SULF1: variants seen among roughly 807,000 people sequenced by gnomAD.
The protein encoded by SULF1 is extracellular sulfatase Sulf-1.
A neutral mutation model predicts 110.5 loss-of-function variants in SULF1; 46 were observed. The ratio of observed to expected loss-of-function variants is 0.42; its 90% confidence interval spans 0.33 to 0.53. SULF1 has a LOEUF of 0.53. Among genes scored for constraint, SULF1 ranks in the 20% least tolerant of loss-of-function variants. The pLI is 0.12. For synonymous variants in SULF1, 371 were observed against 387.1 expected, an observed-to-expected ratio of 0.96 and a Z score of 0.49; for missense variants, 941 against 1,094.2, an observed-to-expected ratio of 0.86 and a Z score of 1.98.
At chr8:69,615,669 A>G (rs1478576051) in intron 13 of SULF1, among the ~76,000 whole-genome samples, 1 of 152,216 alleles carries the variant, frequency 6.6e-6, no homozygotes, top group East Asian at 1.9e-4. Flanking sequence ...CGTATGATAC[A>G]TCATCATAGC....
intron 6 of SULF1, among the ~76,000 whole-genome samples, chr8:69,580,482 A>G (rs1277160982): frequency 6.6e-6 from 1 of 152,184 alleles, no homozygotes; most frequent in Admixed American, 6.5e-5. Flanking sequence ...TTCTACCTTG[A>G]TTTGTTTTGA....
chr8:69,514,095 A>AGTG (rs2150596077), intron 3 of SULF1, among the ~76,000 whole-genome samples: 1 of 152,254 alleles, frequency 6.6e-6, no homozygotes, highest in South Asian at 2.1e-4. Context: ...GAGATTGCTG[A>AGTG]CTGAACTCTA....
chr8:69,526,928 G>A (rs1812738511), intron 3 of SULF1, among the ~76,000 whole-genome samples: 1 of 152,146 alleles, frequency 6.6e-6, no homozygotes, highest in African/African-American at 2.4e-5. Flanking sequence ...TCGGGTTACA[G>A]GATTGGCTTC....
chr8:69,631,561 T>A (rs960114572), intron 19 of SULF1, among the ~76,000 whole-genome samples: 1 of 152,136 alleles, frequency 6.6e-6, no homozygotes, highest in Non-Finnish European at 1.5e-5. Context: ...GTCTCAAAAA[T>A]AAAATAAAAT....
At chr8:69,471,832 T>C (rs1809098661) in intron 1 of SULF1, among the ~76,000 whole-genome samples, 1 of 152,038 alleles carries the variant, frequency 6.6e-6, no homozygotes, top group Admixed American at 6.5e-5. Context: ...TGAGAGAGGG[T>C]TGATTGGTGC....
Position 69,530,361 on chromosome 8 carries a change from T to C in SULF1, c.-134+28393T>C, listed in dbSNP as rs144421281. Among the ~76,000 whole-genome samples, 38 of 152,318 alleles carry C rather than the reference T, an allele frequency of 2.5e-4. No homozygotes were observed. The East Asian group carries it at 7.0e-3, about 28-fold the overall frequency. On this transcript the variant is annotated intron_variant, in intron 3 of 22. Transcript: ENST00000402687. ...TGCCTACTGATGGATAGAGCCATTG[T>C]CTATGTGGAATCTTAGGCATAATGT...
chr8:69,502,307 G>A (rs982186657), intron 3 of SULF1, among the ~76,000 whole-genome samples: 7 of 152,186 alleles, frequency 4.6e-5, no homozygotes, highest in Non-Finnish European at 7.3e-5. Flanking sequence ...TGGTAGGCCC[G>A]CCATGCACAG....
rs542579760 is a variant in SULF1 at position 69,580,273 on chromosome 8, T to C, written c.412+4064T>C. Among the ~76,000 whole-genome samples, 20 of 152,296 alleles carry C rather than the reference T, an allele frequency of 1.3e-4. No homozygotes were observed. In the South Asian group the frequency reaches 2.9e-3, roughly 22 times the overall value. ...GTGAAATAGGAATGAGATTGGATTATATATCATAAAAATGATTATCCTGCC... is the reference window on the plus strand; with the variant it reads ...GTGAAATAGGAATGAGATTGGATTACATATCATAAAAATGATTATCCTGCC... On this transcript the variant is annotated intron_variant, in intron 6 of 22. Coordinates refer to ENST00000402687, the MANE Select transcript of SULF1 (RefSeq NM_001128205.2).
chr8:69,545,376 A>G (rs554720998), intron 3 of SULF1, among the ~76,000 whole-genome samples: 1 of 152,330 alleles, frequency 6.6e-6, no homozygotes, highest in South Asian at 2.1e-4. Flanking sequence ...AGGGTTAGTT[A>G]GGAGATATAA....
chr8:69,641,008 G>T, intron 22 of SULF1, 167 bp downstream of exon 22: 1 of 526,026 alleles, frequency 1.9e-6, no homozygotes. Flanking sequence ...TCACAGAACT[G>T]TCATTTTGCT....
intron 3 of SULF1, among the ~76,000 whole-genome samples, chr8:69,521,736 C>T (rs551110868): frequency 2.6e-5 from 4 of 151,428 alleles, no homozygotes; most frequent in Admixed American, 1.3e-4. Context: ...AAGGAAGCCA[C>T]GGCAGGATTT....
At chr8:69,548,585 T>A (rs1353372650) in intron 3 of SULF1, among the ~76,000 whole-genome samples, 2 of 151,152 alleles carry the variant, frequency 1.3e-5, no homozygotes, top group Non-Finnish European at 2.9e-5. Flanking sequence ...GTAGCTAGGA[T>A]TACAGGCATG....
chr8:69,600,425 T>C (rs1667514109), intron 8 of SULF1, among the ~76,000 whole-genome samples, 178 bp from the exon 9 acceptor site: 1 of 152,200 alleles, frequency 6.6e-6, no homozygotes, highest in Non-Finnish European at 1.5e-5. Flanking sequence ...ATATTTGCTC[T>C]TTGGGGTGGT....
chr8:69,512,046 T>C (rs1732367256), intron 3 of SULF1, among the ~76,000 whole-genome samples: 1 of 152,218 alleles, frequency 6.6e-6, no homozygotes, highest in Non-Finnish European at 1.5e-5. Flanking sequence ...CTAAGTATTA[T>C]GGAGATGTTT....
chr8:69,510,562 T>C (rs144093263), intron 3 of SULF1, among the ~76,000 whole-genome samples: 2 of 152,152 alleles, frequency 1.3e-5, no homozygotes, highest in Admixed American at 6.5e-5. Flanking sequence ...AAAAATCCAG[T>C]AATTCACAAA....
chr8:69,638,635 T>A lies in SULF1; in HGVS notation c.2418T>A (p.Asp806Glu). ...GFLEYFDMNTDPYQLTNTVHT... is the reference protein window; with the variant it reads ...GFLEYFDMNTEPYQLTNTVHT... Reference sequence around the variant, plus strand: ...TGGAGTATTTTGATATGAATACAGATCCTTATCAGGTAAGACAATATATGT... The same window carrying A: ...TGGAGTATTTTGATATGAATACAGAACCTTATCAGGTAAGACAATATATGT... The change falls in exon 20 of 23, where the codon GAT becomes GAA. Residue 806 changes from aspartate (D) to glutamate (E), a missense_variant. Transcript: ENST00000402687. The A allele has an allele frequency of 6.2e-7, 1 of 1,612,848 alleles. No homozygotes were observed. The highest frequency in any genetic ancestry group is 8.5e-7 in the Non-Finnish European group (1 of 1,179,750).
intron 8 of SULF1, among the ~76,000 whole-genome samples, chr8:69,595,996 C>A (rs1186199305): frequency 6.6e-6 from 1 of 152,008 alleles, no homozygotes; most frequent in Non-Finnish European, 1.5e-5. Context: ...GTAAGCAATA[C>A]CGGAAAGAAA....
At chr8:69,639,031 A>G (rs969977159) in intron 21 of SULF1, among the ~76,000 whole-genome samples, 173 bp downstream of exon 21, 1 of 152,212 alleles carries the variant, frequency 6.6e-6, no homozygotes, top group Non-Finnish European at 1.5e-5. Context: ...GCTCTGGTGT[A>G]CTAATGAAAA....
chr8:69,478,625 C>T (rs1809397827), intron 1 of SULF1, among the ~76,000 whole-genome samples: 1 of 152,332 alleles, frequency 6.6e-6, no homozygotes, highest in African/African-American at 2.4e-5. Context: ...CTCCATGGAA[C>T]TTTCTTTTCC....
Sources: gnomAD v4.1 joint callset for allele counts (sites outside exome capture counted in the v4.1 genomes callset) on GRCh38, gnomAD v4.1.1 for gene constraint, MANE v1.5 for transcripts, NCBI Gene and HGNC (gene_info 2026-07-23, HGNC 2026-07-21) for gene names.